Variants in ABRACL observed in about 807,000 individuals in gnomAD.
ABRACL encodes the protein costars family protein ABRACL.
Under a neutral mutation model 7.0 loss-of-function variants are expected in ABRACL, and 4 were observed. That is an observed-to-expected ratio of 0.57 (90% CI 0.28 to 1.30). The LOEUF (loss-of-function observed/expected upper bound fraction) is 1.30. Ranked by LOEUF, ABRACL falls within the 50% of genes most tolerant of loss-of-function variation. The pLI is 0.10. For missense variants in ABRACL, 104 were observed against 97.3 expected (o/e 1.07, Z -0.29); for synonymous variants, 30 against 36.0 (o/e 0.83, Z 0.60).
chr6:139,031,368 C>CA (rs1178467856), intron 1 of ABRACL, among the ~76,000 whole-genome samples: 1 of 152,190 alleles, frequency 6.6e-6, no homozygotes, highest in Non-Finnish European at 1.5e-5. Context: ...TAGAGGAACA[C>CA]AAAGACTATT....
At chr6:139,041,284 G>T (rs1022891050) in intron 2 of ABRACL, among the ~76,000 whole-genome samples, 2 of 148,220 alleles carry the variant, frequency 1.3e-5, no homozygotes, top group South Asian at 4.2e-4. Context: ...TTTTTTATGA[G>T]ACAGGGTCTC....
intron 2 of ABRACL, among the ~76,000 whole-genome samples, chr6:139,035,787 T>G (rs1017867670): frequency 1.3e-5 from 2 of 149,562 alleles, no homozygotes; most frequent in Non-Finnish European, 3.0e-5. Context: ...CCGGCCTAGT[T>G]TCTTGTATTT....
At chr6:139,036,280 TG>T (rs970524035) in intron 2 of ABRACL, among the ~76,000 whole-genome samples, 6 of 152,104 alleles carry the variant, frequency 3.9e-5, no homozygotes, top group Non-Finnish European at 5.9e-5. Context: ...TGGATTACAC[TG>T]GGCTCACCCA....
At chr6:139,039,117 G>A (rs1786206412) in intron 2 of ABRACL, among the ~76,000 whole-genome samples, 1 of 151,930 alleles carries the variant, frequency 6.6e-6, no homozygotes, top group Admixed American at 6.6e-5. Flanking sequence ...CCAGCTACTT[G>A]GGGAAGCTGA....
intron 1 of ABRACL, among the ~76,000 whole-genome samples, chr6:139,031,551 A>G (rs936681965): frequency 2.6e-5 from 4 of 152,226 alleles, no homozygotes; most frequent in African/African-American, 7.2e-5. Flanking sequence ...TGGAAAGTCC[A>G]GGGTCATATA....
chr6:139,041,387 C>A (rs1249479517), intron 2 of ABRACL, among the ~76,000 whole-genome samples: 2 of 149,476 alleles, frequency 1.3e-5, no homozygotes, highest in Non-Finnish European at 3.0e-5. Context: ...CTTCAGCTTC[C>A]TGAGTAGCTG....
chr6:139,041,531 A>ATATATATTTT (rs748288046), intron 2 of ABRACL, among the ~76,000 whole-genome samples: 2 of 126,038 alleles, frequency 1.6e-5, no homozygotes, highest in African/African-American at 3.1e-5. Flanking sequence ...ATATATATAT[A>ATATATATTTT]TTTTTTTTTA....
intron 2 of ABRACL, among the ~76,000 whole-genome samples, chr6:139,036,035 C>T (rs951558543): frequency 2.0e-5 from 3 of 151,882 alleles, no homozygotes; most frequent in African/African-American, 4.8e-5. Context: ...ACTCGGGAGG[C>T]GGAGGTTGCA....
intron 1 of ABRACL, among the ~76,000 whole-genome samples, chr6:139,029,915 G>A (rs1435816185): frequency 1.3e-5 from 2 of 152,134 alleles, no homozygotes; most frequent in Non-Finnish European, 2.9e-5. Flanking sequence ...ATGCCCTGAG[G>A]GTCCTTAAAT....
intron 1 of ABRACL, among the ~76,000 whole-genome samples, chr6:139,032,940 A>G (rs1453158510): frequency 6.6e-6 from 1 of 152,238 alleles, no homozygotes; most frequent in Non-Finnish European, 1.5e-5. Flanking sequence ...AGGGGAGCTT[A>G]CCCTGTAGAA....
At chr6:139,032,062 G>A (rs1475096055) in intron 1 of ABRACL, among the ~76,000 whole-genome samples, 1 of 151,482 alleles carries the variant, frequency 6.6e-6, no homozygotes, top group Non-Finnish European at 1.5e-5. Flanking sequence ...CCGGGTTCAC[G>A]CCATACTCCT....
intron 2 of ABRACL, among the ~76,000 whole-genome samples, chr6:139,034,936 A>C (rs1786131955): frequency 6.6e-6 from 1 of 152,228 alleles, no homozygotes; most frequent in African/African-American, 2.4e-5. Flanking sequence ...GAGATATGCA[A>C]GAATTTGGGG....
intron 1 of ABRACL, among the ~76,000 whole-genome samples, chr6:139,029,178 A>G (rs555166973): frequency 1.8e-4 from 27 of 152,120 alleles, no homozygotes; most frequent in African/African-American, 6.3e-4. Flanking sequence ...CCGCGGTGCG[A>G]CGTGTCGGCT....
chr6:139,040,048 C>T lies in ABRACL; in HGVS notation c.62-2671C>T, dbSNP rs938940872. Among the ~76,000 whole-genome samples, 14 of 152,192 alleles carry T rather than the reference C, an allele frequency of 9.2e-5. No homozygotes were observed. The East Asian group carries it at 2.5e-3, about 27-fold the overall frequency. On this transcript the variant is annotated intron_variant, in intron 2 of 2. Coordinates refer to ENST00000367660, the MANE Select transcript of ABRACL (RefSeq NM_021243.3). ...TCGAGGTTGCAGTGAGCTGTGATCA[C>T]ACCACTGCACTCCAGCCTGAGCAAC...
At chr6:139,041,495 G>GTGTT (rs1786249893) in intron 2 of ABRACL, among the ~76,000 whole-genome samples, 1 of 29,840 alleles carries the variant, frequency 3.4e-5, no homozygotes, top group Non-Finnish European at 7.9e-5. Flanking sequence ...ATATATATAT[G>GTGTT]TGTGTGTGTG....
intron 1 of ABRACL, among the ~76,000 whole-genome samples, chr6:139,033,444 G>A (rs1345149676): frequency 6.6e-6 from 1 of 152,246 alleles, no homozygotes; most frequent in African/African-American, 2.4e-5. Flanking sequence ...TAAAATTGCT[G>A]TTGTATTGAT....
intron 1 of ABRACL, among the ~76,000 whole-genome samples, 186 bp downstream of exon 1, chr6:139,029,061 G>GT (rs1786036983): frequency 6.6e-6 from 1 of 152,102 alleles, no homozygotes; most frequent in Admixed American, 6.5e-5. Context: ...CGTGGGGCGC[G>GT]CGCCGCCCAC....
At chr6:139,038,405 G>A (rs940374973) in intron 2 of ABRACL, among the ~76,000 whole-genome samples, 4 of 152,212 alleles carry the variant, frequency 2.6e-5, no homozygotes, top group Admixed American at 1.3e-4. Flanking sequence ...GAGTTTGAAA[G>A]CATATATAGA....
intron 2 of ABRACL, chr6:139,034,684 A>G (rs1469784293): frequency 4.0e-6 from 1 of 251,606 alleles, no homozygotes; most frequent in Non-Finnish European, 7.6e-6. Flanking sequence ...ACTAAATTAT[A>G]CTAAATTGTC....
Sources: allele counts gnomAD v4.1 joint callset (sites outside exome capture counted in the v4.1 genomes callset), GRCh38; gene constraint gnomAD v4.1.1; transcripts MANE v1.5; gene names NCBI Gene and HGNC (gene_info 2026-07-23, HGNC 2026-07-21).